Variants in LPA observed in about 807,000 individuals in gnomAD.
LPA encodes the protein apolipoprotein(a).
LPA carries 199 observed loss-of-function variants against 197.9 expected under a neutral mutation model. That is an observed-to-expected ratio of 1.01 (90% confidence interval 0.90 to 1.13). The LOEUF (loss-of-function observed/expected upper bound fraction) is 1.13, where lower values mean the gene tolerates loss of function less well. Among genes scored for constraint, LPA ranks in the 50% most tolerant of loss-of-function variants. The pLI, the probability that LPA is intolerant of heterozygous loss-of-function variation, is 0.00. For synonymous variants in LPA, 715 were observed against 639.5 expected, an observed-to-expected ratio of 1.12 and a Z score of -1.78; for missense variants, 1,853 against 1,785.8, an observed-to-expected ratio of 1.04 and a Z score of -0.68.
At chr6:160,536,355 A>G (rs1472460175) in intron 37 of LPA, among the ~76,000 whole-genome samples, 1 of 152,250 alleles carries the variant, frequency 6.6e-6, no homozygotes, top group East Asian at 1.9e-4. Context: ...CTTGCAAGAA[A>G]GAATCATGTT....
At chr6:160,560,632 G>C (rs1448740346) in intron 28 of LPA, among the ~76,000 whole-genome samples, 1 of 151,910 alleles carries the variant, frequency 6.6e-6, no homozygotes, top group African/African-American at 2.4e-5. Context: ...TTTTTGATGG[G>C]GTTGTTTTTT....
intron 28 of LPA, among the ~76,000 whole-genome samples, chr6:160,560,160 G>A (rs1778337569): frequency 6.6e-6 from 1 of 152,188 alleles, no homozygotes; most frequent in Admixed American, 6.5e-5. Context: ...CAGTGTATAT[G>A]TGCCACATTT....
intron 1 of LPA, among the ~76,000 whole-genome samples, chr6:160,657,897 A>G (rs1180582859): frequency 6.6e-6 from 1 of 152,190 alleles, no homozygotes; most frequent in African/African-American, 2.4e-5. Flanking sequence ...CTTTTAGAGT[A>G]TAATGCACCT....
intron 26 of LPA, among the ~76,000 whole-genome samples, chr6:160,580,895 C>T (rs1418673675): frequency 1.3e-5 from 2 of 152,112 alleles, no homozygotes; most frequent in Non-Finnish European, 2.9e-5. Context: ...ATTTGGTGAG[C>T]ATAAGTTTTT....
Position 160,590,964 on chromosome 6 carries a change from G to A in LPA, c.3767C>T (p.Ser1256Phe), listed in dbSNP as rs201351461. Residue 1256 changes from serine (S) to phenylalanine (F), a missense_variant, in exon 23 of 39, where the codon TCC becomes TTC. Coordinates refer to ENST00000316300, the MANE Select transcript of LPA (RefSeq NM_005577.4). ...PVTESSVLAT[S>F]TAVSEQAPTE... Reference sequence around the variant, plus strand: ...CTTACCTTGTTCAGAAACAGCCGTGGACGTCGCAAGGACACTTGATTCTGT... The same window carrying A: ...CTTACCTTGTTCAGAAACAGCCGTGAACGTCGCAAGGACACTTGATTCTGT... The A allele has an allele frequency of 3.1e-6, 5 of 1,613,866 alleles. No homozygotes were observed. Among genetic ancestry groups the A allele is most frequent in the South Asian group, 1.1e-5 (1 of 91,080 alleles).
At chr6:160,656,528 G>T (rs76211344) in intron 1 of LPA, among the ~76,000 whole-genome samples, 7 of 152,190 alleles carry the variant, frequency 4.6e-5, no homozygotes, top group Non-Finnish European at 1.0e-4. Context: ...TTTAACTGGG[G>T]AACCACAATA....
intron 37 of LPA, among the ~76,000 whole-genome samples, chr6:160,535,064 A>G (rs1291718537): frequency 2.2e-5 from 3 of 135,970 alleles, no homozygotes; most frequent in Non-Finnish European, 4.8e-5. Flanking sequence ...GGTAGTAATG[A>G]TGGTTACAGT....
chr6:160,560,295 G>A (rs1778339606), intron 28 of LPA, among the ~76,000 whole-genome samples: 1 of 152,144 alleles, frequency 6.6e-6, no homozygotes, highest in Non-Finnish European at 1.5e-5. Context: ...AATCCTTTGG[G>A]TATATACCCA....
intron 1 of LPA, among the ~76,000 whole-genome samples, chr6:160,652,466 G>A (rs532011096): frequency 2.4e-4 from 37 of 152,106 alleles, no homozygotes; most frequent in African/African-American, 8.7e-4. Context: ...AAAAACTGAA[G>A]GCAAAATAAA....
chr6:160,610,599 G>C (rs1033140798), intron 16 of LPA, among the ~76,000 whole-genome samples: 2 of 152,142 alleles, frequency 1.3e-5, no homozygotes. Context: ...AGTGTCATGT[G>C]AGGCCAACTA....
chr6:160,531,673 C>T lies in LPA; in HGVS notation c.*56G>A. The T allele has an allele frequency of 6.2e-7, 1 of 1,602,488 alleles. No individual in the cohort carries two copies. The highest frequency in any genetic ancestry group is 8.5e-7 in the Non-Finnish European group (1 of 1,169,734). On this transcript the variant is annotated 3_prime_UTR_variant, in exon 39 of 39. Coordinates refer to ENST00000316300, the MANE Select transcript of LPA (RefSeq NM_005577.4). ...TCTATTATTTCCAGCATGCTAAATC[C>T]TTACCCACGTTTCAGCTTCTAAGTA...
chr6:160,594,253 A>G, intron 21 of LPA, 136 bp from the exon 22 acceptor site: 1 of 1,002,198 alleles, frequency 1.0e-6, no homozygotes, highest in African/African-American at 1.6e-5. Context: ...AGGCAGATGG[A>G]CATACCAATA....
At chr6:160,571,646 A>G (rs1178678061) in intron 28 of LPA, among the ~76,000 whole-genome samples, 2 of 152,196 alleles carry the variant, frequency 1.3e-5, no homozygotes, top group Non-Finnish European at 2.9e-5. Context: ...TGCCCAGTTC[A>G]AACTTCCTAG....
chr6:160,654,064 ATTATATATAAT>A (rs1780081724), intron 1 of LPA, among the ~76,000 whole-genome samples: 4 of 27,480 alleles, frequency 1.5e-4, no homozygotes, highest in Non-Finnish European at 2.5e-4. Flanking sequence ...TATTATATAT[ATTATATATAAT>A]ATATATTATA....
At chr6:160,537,724 A>T in intron 37 of LPA, 131 bp downstream of exon 37, 1 of 826,682 alleles carries the variant, frequency 1.2e-6, no homozygotes, top group Non-Finnish European at 2.0e-6. Context: ...ACAGGTGTCC[A>T]GGCAAAGTCA....
At chr6:160,551,544 C>T (rs1778166571) in intron 30 of LPA, among the ~76,000 whole-genome samples, 1 of 152,180 alleles carries the variant, frequency 6.6e-6, no homozygotes, top group African/African-American at 2.4e-5. Context: ...TGAAAGCCCA[C>T]ATTATAATTT....
chr6:160,585,610 AC>A (rs993783981), intron 25 of LPA, among the ~76,000 whole-genome samples: 4 of 151,854 alleles, frequency 2.6e-5, no homozygotes, highest in African/African-American at 9.7e-5. Flanking sequence ...TATACATGAA[AC>A]CCTTGCACAC....
intron 22 of LPA, among the ~76,000 whole-genome samples, chr6:160,592,915 T>C (rs1283043683): frequency 6.6e-6 from 1 of 152,218 alleles, no homozygotes; most frequent in Non-Finnish European, 1.5e-5. Flanking sequence ...ATGTGAGCTC[T>C]AGCATCTCCA....
chr6:160,650,198 A>G, intron 2 of LPA, 140 bp downstream of exon 2: 1 of 801,626 alleles, frequency 1.2e-6, no homozygotes, highest in South Asian at 1.4e-5. Context: ...TCTTTGCTCA[A>G]AGTAATGTTT....
Sources: allele counts gnomAD v4.1 joint callset (sites outside exome capture counted in the v4.1 genomes callset), GRCh38; gene constraint gnomAD v4.1.1; transcripts MANE v1.5; gene names NCBI Gene and HGNC (gene_info 2026-07-23, HGNC 2026-07-21).